DLGAP2: variants seen among roughly 807,000 people sequenced by gnomAD.
DLGAP2 encodes the protein DLG associated protein 2, also known as disks large-associated protein 2.
A neutral mutation model predicts 100.3 loss-of-function variants in DLGAP2; 26 were observed. That is an observed-to-expected ratio of 0.26 (90% CI 0.19 to 0.36). DLGAP2 has a LOEUF of 0.36. Among genes scored for constraint, DLGAP2 ranks in the 10% least tolerant of loss-of-function variants. The pLI is 1.00. For missense variants in DLGAP2, 1,858 were observed against 1,453.2 expected (o/e 1.28, Z -4.53); for synonymous variants, 886 against 630.1 (o/e 1.41, Z -6.08).
intron 1 of DLGAP2, among the ~76,000 whole-genome samples, chr8:805,656 G>A (rs1796254298): frequency 6.6e-6 from 1 of 152,038 alleles, no homozygotes; most frequent in Admixed American, 6.6e-5. Context: ...CACCCAGGCT[G>A]GAGGGCAGTG....
rs1294076195 is a variant in DLGAP2 at position 1,372,982 on chromosome 8, C to CCACCTATGCAAGATGACAGTTTCGCT, written c.106+114102_106+114127dup. Among the ~76,000 whole-genome samples, 12 of 152,296 alleles carry CCACCTATGCAAGATGACAGTTTCGCT rather than the reference C, an allele frequency of 7.9e-5. No individual in the cohort carries two copies. The East Asian group carries it at 2.3e-3, about 29-fold the overall frequency. ...TGTGGGGTTATGGCCACCTACGTGG[C>CCACCTATGCAAGATGACAGTTTCGCT]CACCTATGCAAGATGACAGTTTCGC... On this transcript the variant is annotated intron_variant, in intron 3 of 14. Coordinates refer to ENST00000637795, the MANE Select transcript of DLGAP2 (RefSeq NM_001346810.2).
At chr8:1,206,325 G>A (rs1371336004) in intron 2 of DLGAP2, among the ~76,000 whole-genome samples, 3 of 148,676 alleles carry the variant, frequency 2.0e-5, no homozygotes, top group Non-Finnish European at 3.0e-5. Context: ...CGTGGACTGG[G>A]GTAGACTGTG....
At chr8:1,540,818 C>T (rs1202549361) in intron 4 of DLGAP2, among the ~76,000 whole-genome samples, 1 of 152,252 alleles carries the variant, frequency 6.6e-6, no homozygotes, top group Non-Finnish European at 1.5e-5. Flanking sequence ...AATACAGTTC[C>T]ACCTTTGAAA....
At chr8:1,462,662 C>T (rs1294038522) in intron 3 of DLGAP2, among the ~76,000 whole-genome samples, 4 of 152,146 alleles carry the variant, frequency 2.6e-5, no homozygotes, top group Non-Finnish European at 5.9e-5. Context: ...AGTAGCTCAG[C>T]CTCCAGGACT....
intron 6 of DLGAP2, among the ~76,000 whole-genome samples, chr8:1,576,954 A>G (rs765616053): frequency 2.4e-4 from 37 of 152,350 alleles, no homozygotes; most frequent in Non-Finnish European, 4.6e-4. Context: ...AAGAGCCCAC[A>G]TCGCCAAGAC....
At chr8:1,571,589 A>G (rs1370857371) in intron 6 of DLGAP2, among the ~76,000 whole-genome samples, 2 of 107,204 alleles carry the variant, frequency 1.9e-5, no homozygotes, top group Non-Finnish European at 3.7e-5. Flanking sequence ...AGAGGGGTGA[A>G]CTGGAGGGGC....
At chr8:786,825 C>T (rs1276998855) in intron 1 of DLGAP2, among the ~76,000 whole-genome samples, 3 of 151,684 alleles carry the variant, frequency 2.0e-5, no homozygotes, top group East Asian at 3.9e-4. Context: ...TTTTTAACAG[C>T]GTCTCAGTGA....
chr8:783,517 A>G (rs1328672140), intron 1 of DLGAP2, among the ~76,000 whole-genome samples: 1 of 152,240 alleles, frequency 6.6e-6, no homozygotes, highest in African/African-American at 2.4e-5. Context: ...ACCTTAGCAC[A>G]GCAGACTTCA....
intron 2 of DLGAP2, among the ~76,000 whole-genome samples, chr8:1,184,202 C>T (rs1056516392): frequency 6.6e-6 from 1 of 152,112 alleles, no homozygotes; most frequent in African/African-American, 2.4e-5. Context: ...AGAGAGCAAG[C>T]CATTTAAAAG....
At chr8:1,653,683 G>C in intron 8 of DLGAP2, among the ~76,000 whole-genome samples, 1 of 68,730 alleles carries the variant, frequency 1.5e-5, no homozygotes, top group Non-Finnish European at 3.3e-5. Flanking sequence ...GCTGTGAACT[G>C]CAGGGGCGGA....
intron 3 of DLGAP2, among the ~76,000 whole-genome samples, chr8:1,315,635 G>C (rs1800721832): frequency 7.4e-6 from 1 of 135,640 alleles, no homozygotes; most frequent in African/African-American, 2.8e-5. Context: ...TTTAAAAATA[G>C]AGCGTGTGCA....
At chr8:1,549,830 C>T in intron 5 of DLGAP2, 147 bp downstream of exon 5, 2 of 960,128 alleles carry the variant, frequency 2.1e-6, no homozygotes, top group African/African-American at 1.6e-5. Context: ...TCTGGGACAG[C>T]TCCACTGAGC....
chr8:1,460,794 A>G lies in DLGAP2; in HGVS notation c.107-40572A>G, dbSNP rs537890339. Among the ~76,000 whole-genome samples the G allele has an allele frequency of 2.6e-5, 4 of 152,344 alleles. No homozygotes were observed. In the East Asian group the frequency reaches 5.8e-4, roughly 22 times the overall value. ...ATGGTTTTTACTAATCAGAGAAGAT[A>G]CTTTATGGGTAAAGACTGCAATATA... On this transcript the variant is annotated intron_variant, in intron 3 of 14. Coordinates refer to ENST00000637795, the MANE Select transcript of DLGAP2 (RefSeq NM_001346810.2).
At chr8:1,001,223 A>G (rs1563137370) in intron 2 of DLGAP2, among the ~76,000 whole-genome samples, 2 of 152,186 alleles carry the variant, frequency 1.3e-5, no homozygotes, top group Non-Finnish European at 2.9e-5. Flanking sequence ...TTCACATTGT[A>G]TTGTGATCAG....
chr8:1,315,918 C>T lies in DLGAP2; in HGVS notation c.106+57035C>T, dbSNP rs1416123082. Among the ~76,000 whole-genome samples the T allele has an allele frequency of 1.5e-5, 2 of 131,484 alleles. 1 individual carries two copies. 86.3% of individuals were successfully genotyped at this position (131,484 alleles called of 152,430 possible). A position where few individuals can be genotyped will look rare whatever the true frequency, so the allele number is the denominator to read the frequency against. On this transcript the variant is annotated intron_variant, in intron 3 of 14. Coordinates refer to ENST00000637795, the MANE Select transcript of DLGAP2 (RefSeq NM_001346810.2). ...AACTTGGCAGCTTTTAAAAATAGAG[C>T]GTGTGCGAGTGCAGCCTCTCTCCAA...
chr8:1,554,057 G>C (rs994245633), intron 5 of DLGAP2, among the ~76,000 whole-genome samples: 1 of 152,160 alleles, frequency 6.6e-6, no homozygotes, highest in Non-Finnish European at 1.5e-5. Context: ...GGAGGCCAAC[G>C]CAGGTGGATC....
chr8:750,145 A>C (rs1424895446), intron 1 of DLGAP2, among the ~76,000 whole-genome samples: 1 of 152,218 alleles, frequency 6.6e-6, no homozygotes, highest in Non-Finnish European at 1.5e-5. Context: ...GGGTCTCCCT[A>C]GGGCCGGTTA....
chr8:817,942 G>T (rs1190581500), intron 1 of DLGAP2, among the ~76,000 whole-genome samples: 3 of 152,194 alleles, frequency 2.0e-5, no homozygotes, highest in African/African-American at 7.2e-5. Flanking sequence ...CTCCAGCCAG[G>T]AGGTGGTGCT....
chr8:1,024,929 A>G (rs971670915), intron 2 of DLGAP2, among the ~76,000 whole-genome samples: 29 of 152,170 alleles, frequency 1.9e-4, no homozygotes, highest in Admixed American at 1.7e-3. Context: ...CAGAGTCTGG[A>G]ATGACGGACA....
Sources: gnomAD v4.1 joint callset for allele counts (sites outside exome capture counted in the v4.1 genomes callset) on GRCh38, gnomAD v4.1.1 for gene constraint, MANE v1.5 for transcripts, NCBI Gene and HGNC (gene_info 2026-07-23, HGNC 2026-07-21) for gene names.